The following ZNF638 variants were observed in gnomAD, a reference collection of about 807,000 sequenced individuals.
ZNF638 encodes CTCL tumor antigen se33-1.
In ZNF638, 46 loss-of-function variants were observed where a neutral mutation model predicts 195.6. The observed-to-expected ratio is 0.24, with a 90% CI of 0.19 to 0.30. The LOEUF is 0.30. Among genes scored for constraint, ZNF638 ranks in the 10% least tolerant of loss-of-function variants. The pLI, the probability that ZNF638 is intolerant of heterozygous loss-of-function variation, is 1.00. For missense variants in ZNF638, 2,440 were observed against 2,325.3 expected (o/e 1.05, Z -1.01); for synonymous variants, 845 against 772.0 (o/e 1.09, Z -1.57).
chr2:71,367,751 T>TAA (rs1553471477), intron 6 of ZNF638, among the ~76,000 whole-genome samples: 7,731 of 149,434 alleles, frequency 0.052, 272 homozygotes, highest in African/African-American at 0.097. Context: ...TTTTTTTTTT[T>TAA]AAAAATATAG....
At chr2:71,432,229 C>G (rs1346136964) in intron 26 of ZNF638, among the ~76,000 whole-genome samples, 2 of 152,186 alleles carry the variant, frequency 1.3e-5, no homozygotes, top group African/African-American at 4.8e-5. Context: ...GAGACAGGGT[C>G]TCATTCTGTC....
intron 6 of ZNF638, among the ~76,000 whole-genome samples, chr2:71,367,904 C>T (rs1228170643): frequency 6.6e-6 from 1 of 152,096 alleles, no homozygotes; most frequent in African/African-American, 2.4e-5. Flanking sequence ...GTTGATACTA[C>T]AGTGTATTCA....
At chr2:71,428,251 AGGTCCC>A (rs2080580248) in intron 24 of ZNF638, among the ~76,000 whole-genome samples, 2 of 152,240 alleles carry the variant, frequency 1.3e-5, no homozygotes, top group African/African-American at 4.8e-5. Context: ...AATACTAGGA[AGGTCCC>A]ACAGGCTTAT....
chr2:71,391,969 C>G (rs1315698441), intron 10 of ZNF638, among the ~76,000 whole-genome samples: 2 of 152,170 alleles, frequency 1.3e-5, no homozygotes, highest in Non-Finnish European at 2.9e-5. Flanking sequence ...GGCCACAGGG[C>G]TGCGCTTCCT....
At chr2:71,356,491 G>GT (rs1487660193) in intron 3 of ZNF638, among the ~76,000 whole-genome samples, 4 of 152,210 alleles carry the variant, frequency 2.6e-5, no homozygotes, top group African/African-American at 7.2e-5. Flanking sequence ...CCTTTTGGTT[G>GT]TAAGTGGTTA....
Position 71,410,989 on chromosome 2 carries a change from C to CG in ZNF638, c.3261+2742_3261+2743insG, listed in dbSNP as rs1271382185. On this transcript the variant is annotated intron_variant, in intron 20 of 27. Coordinates refer to ENST00000264447, the MANE Select transcript of ZNF638 (RefSeq NM_014497.5). ...TTTCTCCCCACCCACCACCTCCCCC[C>CG]CCCTTTTTTTTTTTTTTTTTTTTGT... is the stretch of plus-strand genomic sequence containing the variant. Among the ~76,000 whole-genome samples the CG allele has an allele frequency of 7.0e-5, 6 of 86,230 alleles. 1 individual carries two copies. Among genetic ancestry groups the CG allele is most frequent in the Non-Finnish European group, 1.5e-4 (6 of 39,698 alleles). 56.6% of individuals were successfully genotyped at this position (86,230 alleles called of 152,430 possible). A position where few individuals can be genotyped will look rare whatever the true frequency, so the allele number is the denominator to read the frequency against.
intron 20 of ZNF638, among the ~76,000 whole-genome samples, chr2:71,411,442 TTTTTTTA>T (rs1409805668): frequency 7.8e-5 from 11 of 140,618 alleles, no homozygotes; most frequent in African/African-American, 2.2e-4. Context: ...AGTTTTTTAT[TTTTTTTA>T]TTTATTTTTT....
intron 10 of ZNF638, among the ~76,000 whole-genome samples, chr2:71,390,825 C>T (rs1380501190): frequency 6.6e-6 from 1 of 152,066 alleles, no homozygotes; most frequent in Non-Finnish European, 1.5e-5. Context: ...GTGCACACAG[C>T]CAAGCAGAGC....
chr2:71,417,524 A>G (rs1190857090), intron 20 of ZNF638, among the ~76,000 whole-genome samples: 1 of 131,596 alleles, frequency 7.6e-6, no homozygotes, highest in Non-Finnish European at 1.7e-5. Context: ...AAGGCACTTC[A>G]GTTGTCTGAA....
chr2:71,350,376 AG>A, intron 2 of ZNF638, 105 bp downstream of exon 2: 1 of 1,183,910 alleles, frequency 8.4e-7, no homozygotes, highest in Non-Finnish European at 1.2e-6. Flanking sequence ...AGGAAATGGC[AG>A]AAGGTAATTT....
intron 10 of ZNF638, among the ~76,000 whole-genome samples, chr2:71,387,925 A>G (rs2079677007): frequency 6.6e-6 from 1 of 152,202 alleles, no homozygotes; most frequent in Non-Finnish European, 1.5e-5. Flanking sequence ...CCTCAACCCA[A>G]AAGATAAATT....
chr2:71,429,837 CT>C (rs2080620365), intron 25 of ZNF638, among the ~76,000 whole-genome samples: 1 of 152,172 alleles, frequency 6.6e-6, no homozygotes, highest in Non-Finnish European at 1.5e-5. Context: ...TGATTATGCC[CT>C]CTCTTGAAAC....
intron 25 of ZNF638, among the ~76,000 whole-genome samples, chr2:71,430,312 A>G (rs753541194): frequency 6.6e-6 from 1 of 152,216 alleles, no homozygotes. Flanking sequence ...ATAAACAATT[A>G]TAGAAAGAGA....
intron 4 of ZNF638, 99 bp from the exon 5 acceptor site, chr2:71,363,852 ATTG>A: frequency 5.2e-6 from 7 of 1,353,570 alleles, no homozygotes; most frequent in South Asian, 1.5e-5. Context: ...AGAGTTTGGT[ATTG>A]TTAACAGTCT....
chr2:71,349,659 T>C lies in ZNF638; in HGVS notation c.705T>C (p.Thr235=). The C allele has an allele frequency of 6.2e-7, 1 of 1,614,180 alleles. No individual in the cohort carries two copies. Among genetic ancestry groups the C allele is most frequent in the Non-Finnish European group, 8.5e-7 (1 of 1,180,032 alleles). The change falls in exon 2 of 28, where the codon ACT becomes ACC. Residue 235 remains threonine (T), a synonymous_variant. Coordinates refer to ENST00000264447, the MANE Select transcript of ZNF638 (RefSeq NM_014497.5). Reference sequence around the variant, plus strand: ...GTATTTATGATCCTGAAATTCCAACTGATGAGGTCGAGAATGAATTTCAGT... The same window carrying C: ...GTATTTATGATCCTGAAATTCCAACCGATGAGGTCGAGAATGAATTTCAGT... ...EVRIYDPEIP[T]DEVENEFQSQ...
At chr2:71,431,602 TA>T (rs1173028448) in intron 26 of ZNF638, among the ~76,000 whole-genome samples, 174 bp downstream of exon 26, 2 of 151,688 alleles carry the variant, frequency 1.3e-5, no homozygotes, top group African/African-American at 4.8e-5. Context: ...TACTAAAAGG[TA>T]CAAAAAATTA....
chr2:71,348,346 ATTAT>A, intron 1 of ZNF638: 1 of 929,274 alleles, frequency 1.1e-6, no homozygotes, highest in Non-Finnish European at 1.3e-6. Context: ...TCTTACTTTC[ATTAT>A]TTGTATATCT....
chr2:71,408,580 G>T (rs1321788699), intron 20 of ZNF638: 7 of 300,466 alleles, frequency 2.3e-5, no homozygotes, highest in Non-Finnish European at 4.5e-5. Flanking sequence ...CCTCTGGGTA[G>T]AAAGAAGTTT....
intron 20 of ZNF638, 71 bp from the exon 21 acceptor site, chr2:71,418,531 A>C: frequency 8.9e-7 from 1 of 1,124,552 alleles, no homozygotes; most frequent in Non-Finnish European, 1.2e-6. Flanking sequence ...TTTACTAAAA[A>C]CATTGCTTTT....
Sources: gnomAD v4.1 joint callset for allele counts (sites outside exome capture counted in the v4.1 genomes callset) on GRCh38, gnomAD v4.1.1 for gene constraint, MANE v1.5 for transcripts, NCBI Gene and HGNC (gene_info 2026-07-23, HGNC 2026-07-21) for gene names.